Variants in CLIP1 observed in about 807,000 individuals in gnomAD.
The protein encoded by CLIP1 is CAP-Gly domain containing linker protein 1, also known as CAP-Gly domain-containing linker protein 1.
CLIP1 carries 66 observed loss-of-function variants against 161.6 expected under a neutral mutation model. The ratio of observed to expected loss-of-function variants is 0.41; its 90% confidence interval spans 0.33 to 0.50. The LOEUF (loss-of-function observed/expected upper bound fraction) is 0.50, where lower values mean the gene tolerates loss of function less well. Among genes scored for constraint, CLIP1 ranks in the 20% least tolerant of loss-of-function variants. CLIP1 has a pLI of 0.27. For missense variants in CLIP1, 1,376 were observed against 1,702.0 expected, an observed-to-expected ratio of 0.81 and a Z score of 3.37; for synonymous variants, 598 against 626.2, an observed-to-expected ratio of 0.96 and a Z score of 0.67.
Position 122,341,275 on chromosome 12 carries a change from T to C in CLIP1, c.1929A>G (p.Val643=), listed in dbSNP as rs755000883. 1.2e-6 allele frequency: 2 copies of C among 1,613,960 alleles called. No homozygotes were observed. The highest frequency in any genetic ancestry group is 1.1e-5 in the South Asian group (1 of 91,080). ...CTGTTCCAAGCCCTTTGCTGAAAGATACCTTCAGTTCTTCCATCGCCTGCT... is the reference window on the plus strand; with the variant it reads ...CTGTTCCAAGCCCTTTGCTGAAAGACACCTTCAGTTCTTCCATCGCCTGCT... ...SHQQAMEELK[V]SFSKGLGTET... The change falls in exon 11 of 26, where the codon GTA becomes GTG. Residue 643 remains valine, a synonymous_variant. Transcript: ENST00000620786.
rs1555262618 is a variant in CLIP1, at chr12:122,315,645, C to CTTTTTTCT, written c.3473+1103_3473+1104insAGAAAAAA. On this transcript the variant is annotated intron_variant, in intron 19 of 25. Coordinates refer to ENST00000620786, the MANE Select transcript of CLIP1 (RefSeq NM_001247997.2). ...CATGCCAGACGGTTTGATTCCTTTT[C>CTTTTTTCT]TTTTTTTTTTTTTGAGATGGAGTCT... Among the ~76,000 whole-genome samples, 412 of 133,138 alleles carry CTTTTTTCT rather than the reference C, an allele frequency of 3.1e-3. 2 individuals carry two copies. The highest frequency in any genetic ancestry group is 7.7e-3 in the African/African-American group (220 of 28,600). 87.3% of individuals were successfully genotyped at this position (133,138 alleles called of 152,430 possible).
Position 122,341,816 on chromosome 12 carries a change from T to A in CLIP1, c.1507-119A>T, listed in dbSNP as rs562201889. 16 of 646,150 alleles carry A rather than the reference T, an allele frequency of 2.5e-5. No individual in the cohort carries two copies. In the Admixed American group the frequency reaches 4.5e-4, roughly 18 times the overall value. 40.0% of individuals were successfully genotyped at this position (646,150 alleles called of 1,614,324 possible). On this transcript the variant is annotated intron_variant, in intron 10 of 25. Coordinates refer to ENST00000620786, the MANE Select transcript of CLIP1 (RefSeq NM_001247997.2). ...TTTTTTTTTTGAGATGGAGTTTCGC[T>A]CTTCTTACCCAGGCTGGAGTACAAT...
At chr12:122,415,605 G>A (rs1178918857) in intron 1 of CLIP1, among the ~76,000 whole-genome samples, 1 of 152,072 alleles carries the variant, frequency 6.6e-6, no homozygotes, top group Non-Finnish European at 1.5e-5. Context: ...GATCACCTGA[G>A]GTCAGGAGTT....
chr12:122,289,408 G>C (rs1791297020), intron 20 of CLIP1, among the ~76,000 whole-genome samples: 1 of 146,068 alleles, frequency 6.8e-6, no homozygotes, highest in African/African-American at 2.4e-5. Flanking sequence ...GACAGAGTGA[G>C]ACTCCATCTA....
chr12:122,329,081 G>A (rs1951824905), intron 15 of CLIP1, among the ~76,000 whole-genome samples: 1 of 152,156 alleles, frequency 6.6e-6, no homozygotes, highest in South Asian at 2.1e-4. Flanking sequence ...TATGATCCCA[G>A]CACCCTGGGA....
chr12:122,403,363 T>C (rs747058373), intron 1 of CLIP1, among the ~76,000 whole-genome samples: 3 of 151,896 alleles, frequency 2.0e-5, no homozygotes, highest in East Asian at 1.9e-4. Flanking sequence ...CACACCCACA[T>C]GAAACTCAAA....
intron 2 of CLIP1, among the ~76,000 whole-genome samples, chr12:122,379,143 CA>C (rs910009905): frequency 9.8e-5 from 14 of 143,442 alleles, no homozygotes; most frequent in African/African-American, 3.4e-4. Context: ...AAAACAAAAC[CA>C]AAAAAAAACA....
At chr12:122,387,595 T>A (rs1955383187) in intron 1 of CLIP1, among the ~76,000 whole-genome samples, 1 of 83,082 alleles carries the variant, frequency 1.2e-5, no homozygotes, top group Non-Finnish European at 2.2e-5. Flanking sequence ...TATATATTTT[T>A]TTTTTTTTTT....
At position 122,365,690 on chromosome 12, in the gene CLIP1, AAAG is replaced by A. The variant is rs1384415703; in HGVS notation, c.658-1586_658-1584del. On this transcript the variant is annotated intron_variant, in intron 3 of 25. Coordinates refer to ENST00000620786, the MANE Select transcript of CLIP1 (RefSeq NM_001247997.2). ...CTCTGGGCTATTTAAAAAAAAAAAA[AAAG>A]AAAGAACTGCTCCTGCTTCAAAACA... is the stretch of plus-strand genomic sequence containing the variant. 7.4e-6 allele frequency: 5 copies of A among 673,808 alleles called. No individual in the cohort carries two copies. The Admixed American group carries it at 8.1e-5, about 11-fold the overall frequency. The allele number at this position is 673,808 out of a possible 1,614,324, so 41.7% of individuals were successfully genotyped here. A position where few individuals can be genotyped will look rare whatever the true frequency, so the allele number is the denominator to read the frequency against.
At chr12:122,298,010 G>A (rs1950538572) in intron 20 of CLIP1, among the ~76,000 whole-genome samples, 1 of 152,178 alleles carries the variant, frequency 6.6e-6, no homozygotes, top group South Asian at 2.1e-4. Context: ...GAATCTGCAT[G>A]GCCACTCCAG....
chr12:122,317,562 T>C (rs7958848), intron 18 of CLIP1, among the ~76,000 whole-genome samples: 4,100 of 152,150 alleles, frequency 0.027, 183 homozygotes, highest in African/African-American at 0.094. Context: ...TGGCAGGTGG[T>C]TGGAGCTCTA....
In CLIP1 at chr12:122,375,515, C is replaced by T. The variant is rs148905248; in HGVS notation, c.657+1874G>A. Among the ~76,000 whole-genome samples the T allele has an allele frequency of 8.9e-3, 1,349 of 152,120 alleles. 20 individuals are homozygous for T. Among genetic ancestry groups the T allele is most frequent in the African/African-American group, 0.031 (1,288 of 41,478 alleles). Reference sequence around the variant, plus strand: ...TATTTTTAGTAGAGACGGGGTTTCACCATGTTGACCAGGCTGGTCTTGAAC... The same window carrying T: ...TATTTTTAGTAGAGACGGGGTTTCATCATGTTGACCAGGCTGGTCTTGAAC... On this transcript the variant is annotated intron_variant, in intron 3 of 25. Coordinates refer to ENST00000620786, the MANE Select transcript of CLIP1 (RefSeq NM_001247997.2).
At chr12:122,374,909 G>T (rs1173901652) in intron 3 of CLIP1, among the ~76,000 whole-genome samples, 1 of 152,140 alleles carries the variant, frequency 6.6e-6, no homozygotes, top group African/African-American at 2.4e-5. Flanking sequence ...ATATGGTCAT[G>T]AGCTAAAAAT....
intron 19 of CLIP1, among the ~76,000 whole-genome samples, chr12:122,313,324 G>A (rs1951133115): frequency 6.6e-6 from 1 of 152,174 alleles, no homozygotes; most frequent in Non-Finnish European, 1.5e-5. Flanking sequence ...ACAGCACCAG[G>A]AACAGCTCAG....
chr12:122,395,671 C>A (rs1029019356), intron 1 of CLIP1: 2 of 152,178 alleles, frequency 1.3e-5, no homozygotes, highest in Admixed American at 6.5e-5. Flanking sequence ...CACAGGTAAG[C>A]AGAGACAAGC....
intron 5 of CLIP1, among the ~76,000 whole-genome samples, chr12:122,358,411 C>G (rs548999134): frequency 7.0e-6 from 1 of 143,692 alleles, no homozygotes; most frequent in Non-Finnish European, 1.5e-5. Flanking sequence ...TCCCCCTCTG[C>G]GAGAAACACC....
intron 4 of CLIP1, among the ~76,000 whole-genome samples, chr12:122,362,595 T>G (rs1300962565): frequency 1.6e-5 from 2 of 126,964 alleles, no homozygotes; most frequent in African/African-American, 6.2e-5. Flanking sequence ...GAGCCAAGAT[T>G]GTGCCACTGC....
chr12:122,334,638 T>C lies in CLIP1; in HGVS notation c.2626+10A>G. ...TTAAAGCAATCTGCACACGCTCTGG[T>C]AAGACATACCTTGCATACTTCTCTG... On this transcript the variant is annotated intron_variant, in intron 13 of 25. Transcript: ENST00000620786. 1 of 1,570,048 alleles carries C rather than the reference T, an allele frequency of 6.4e-7. No individual in the cohort carries two copies. Among genetic ancestry groups the C allele is most frequent in the Non-Finnish European group, 8.7e-7 (1 of 1,151,076 alleles).
intron 11 of CLIP1, among the ~76,000 whole-genome samples, chr12:122,339,048 C>T (rs529797894): frequency 1.3e-5 from 2 of 152,250 alleles, no homozygotes; most frequent in East Asian, 3.9e-4. Flanking sequence ...GCATCAATAC[C>T]AGTGCCTCAA....
Sources: gnomAD v4.1 joint callset for allele counts (sites outside exome capture counted in the v4.1 genomes callset) on GRCh38, gnomAD v4.1.1 for gene constraint, MANE v1.5 for transcripts, NCBI Gene and HGNC (gene_info 2026-07-23, HGNC 2026-07-21) for gene names.